KCNK3: variants seen among roughly 807,000 people sequenced by gnomAD.
KCNK3 encodes potassium channel subfamily K member 3.
A neutral mutation model predicts 27.3 loss-of-function variants in KCNK3; 9 were observed. The ratio of observed to expected loss-of-function variants is 0.33; its 90% CI spans 0.20 to 0.57. The LOEUF (loss-of-function observed/expected upper bound fraction) is 0.57. Ranked by LOEUF, KCNK3 falls within the 20% of genes least tolerant of loss-of-function variation. The pLI, the probability that KCNK3 is intolerant of heterozygous loss-of-function variation, is 0.87. For missense variants in KCNK3, 391 were observed against 577.7 expected (o/e 0.68, Z 3.31); for synonymous variants, 278 against 273.8 (o/e 1.02, Z -0.15).
chr2:26,706,439 C>T (rs1670374374), intron 1 of KCNK3, among the ~76,000 whole-genome samples: 1 of 152,158 alleles, frequency 6.6e-6, no homozygotes, highest in Non-Finnish European at 1.5e-5. Context: ...AGGCCCCCTC[C>T]ACTGGGAACA....
intron 1 of KCNK3, among the ~76,000 whole-genome samples, chr2:26,704,826 G>T (rs1393704689): frequency 6.6e-6 from 1 of 152,228 alleles, no homozygotes; most frequent in African/African-American, 2.4e-5. Flanking sequence ...TGGAGCAGCC[G>T]CTCCTCAGGG....
chr2:26,722,045 A>G (rs1326319463), intron 1 of KCNK3, among the ~76,000 whole-genome samples: 1 of 152,176 alleles, frequency 6.6e-6, no homozygotes, highest in African/African-American at 2.4e-5. Context: ...GCTCCCAGAA[A>G]CACTTGCTCG....
In KCNK3 at chr2:26,728,598, G is replaced by C. The variant is rs571255777; in HGVS notation, c.*30G>C. ...CCCGAGGGGCCTGGAGCACCTGGGG[G>C]CGCGGGCGGGGGACCCCTGCTGGGA... On this transcript the variant is annotated 3_prime_UTR_variant, in exon 2 of 2. Coordinates refer to ENST00000302909, the MANE Select transcript of KCNK3 (RefSeq NM_002246.3). The C allele has an allele frequency of 2.8e-6, 4 of 1,408,746 alleles. No individual in the cohort carries two copies. The highest frequency in any genetic ancestry group is 6.3e-5 in the Admixed American group (2 of 31,932). The allele number at this position is 1,408,746 out of a possible 1,614,324, so 87.3% of individuals were successfully genotyped here.
chr2:26,720,970 C>T (rs34391923), intron 1 of KCNK3, among the ~76,000 whole-genome samples: 60,801 of 152,014 alleles, frequency 0.4, 14,577 homozygotes, highest in Non-Finnish European at 0.53. Context: ...TCCTTCTGAA[C>T]CTTGAAGCTG....
At chr2:26,700,730 CCAT>C (rs71401503) in intron 1 of KCNK3, among the ~76,000 whole-genome samples, 7 of 150,562 alleles carry the variant, frequency 4.6e-5, no homozygotes, top group Non-Finnish European at 1.0e-4. Flanking sequence ...ATCATCATCA[CCAT>C]CATCATCATC....
rs1055732306 is a variant in KCNK3 at position 26,693,833 on chromosome 2, T to G, written c.283+675T>G. 2.6e-5 allele frequency among the ~76,000 whole-genome samples: 4 copies of G among 152,094 alleles called. No individual in the cohort carries two copies. The highest frequency in any genetic ancestry group is 9.7e-5 in the African/African-American group (4 of 41,402). ...GTCACCTCACAGGAATAACCCCAGTTCTTTCCAAGCCAGGGCAGATCACCA... is the reference window on the plus strand; with the variant it reads ...GTCACCTCACAGGAATAACCCCAGTGCTTTCCAAGCCAGGGCAGATCACCA... On this transcript the variant is annotated intron_variant, in intron 1 of 1. Transcript: ENST00000302909. This position sits in a 1 kb window ranked among gnomAD's most constrained non-coding sequence, Gnocchi z 5.5.
intron 1 of KCNK3, among the ~76,000 whole-genome samples, chr2:26,701,792 T>C (rs1340636211): frequency 6.6e-6 from 1 of 151,956 alleles, no homozygotes; most frequent in Non-Finnish European, 1.5e-5. Flanking sequence ...ATACAAAAAT[T>C]AGTGAGGCGT....
chr2:26,697,355 A>G (rs529163225), intron 1 of KCNK3, among the ~76,000 whole-genome samples: 2 of 152,114 alleles, frequency 1.3e-5, no homozygotes, highest in Non-Finnish European at 2.9e-5. Flanking sequence ...AAATACAAAA[A>G]TTAGCCAGGC....
chr2:26,705,140 T>C (rs534616459), intron 1 of KCNK3, among the ~76,000 whole-genome samples: 2 of 152,124 alleles, frequency 1.3e-5, no homozygotes, highest in African/African-American at 4.8e-5. Flanking sequence ...AATTTTTAAA[T>C]TTTAAGTAGA....
At chr2:26,714,313 C>G (rs983256424) in intron 1 of KCNK3, among the ~76,000 whole-genome samples, 1 of 151,050 alleles carries the variant, frequency 6.6e-6, no homozygotes, top group Non-Finnish European at 1.5e-5. Flanking sequence ...AACTCAGGAG[C>G]TGCAACTGCA....
At chr2:26,702,762 G>C (rs1383254439) in intron 1 of KCNK3, among the ~76,000 whole-genome samples, 1 of 152,148 alleles carries the variant, frequency 6.6e-6, no homozygotes, top group Non-Finnish European at 1.5e-5. Context: ...CAAGGAATTG[G>C]TGTATAGGCT....
chr2:26,699,737 C>T (rs764795093), intron 1 of KCNK3, among the ~76,000 whole-genome samples: 16 of 152,198 alleles, frequency 1.1e-4, no homozygotes, highest in Non-Finnish European at 1.6e-4. Flanking sequence ...GGACAAGTGT[C>T]TGTAACAGGT....
chr2:26,711,282 C>T (rs916538603), intron 1 of KCNK3, among the ~76,000 whole-genome samples: 3 of 152,234 alleles, frequency 2.0e-5, no homozygotes, highest in Admixed American at 6.5e-5. Flanking sequence ...GCCTTACTCA[C>T]CGTGAAAACG....
At chr2:26,716,832 G>T (rs911851743) in intron 1 of KCNK3, among the ~76,000 whole-genome samples, 6 of 152,220 alleles carry the variant, frequency 3.9e-5, no homozygotes, top group Admixed American at 6.5e-5. Flanking sequence ...ATTGAGATAA[G>T]AAAACTGACT....
chr2:26,724,788 G>T (rs1375367079), intron 1 of KCNK3, among the ~76,000 whole-genome samples: 1 of 152,186 alleles, frequency 6.6e-6, no homozygotes, highest in African/African-American at 2.4e-5. Flanking sequence ...CAGAGGAAGG[G>T]GTTGTCACTT....
rs184646375 is a variant in KCNK3 at position 26,718,434 on chromosome 2, G to A, written c.284-9233G>A. Among the ~76,000 whole-genome samples the A allele has an allele frequency of 1.7e-4, 26 of 152,110 alleles. No homozygotes were observed. In the East Asian group the frequency reaches 4.8e-3, roughly 28 times the overall value. ...CCAGAAGAACTTGTGCTGTTTTTAG[G>A]TTTATAATATTCATCGTTTTCTACT... On this transcript the variant is annotated intron_variant, in intron 1 of 1. Coordinates refer to ENST00000302909, the MANE Select transcript of KCNK3 (RefSeq NM_002246.3).
chr2:26,713,643 G>A (rs1448805531), intron 1 of KCNK3, among the ~76,000 whole-genome samples: 2 of 151,938 alleles, frequency 1.3e-5, no homozygotes, highest in Non-Finnish European at 2.9e-5. Flanking sequence ...TTTGCTGGGT[G>A]TGTAATCCCA....
At chr2:26,694,372 AG>A (rs1263749611) in intron 1 of KCNK3, among the ~76,000 whole-genome samples, 1 of 152,058 alleles carries the variant, frequency 6.6e-6, no homozygotes, top group Non-Finnish European at 1.5e-5. Context: ...TCAGACTCCC[AG>A]GGGTTCGTTG....
At chr2:26,703,392 A>T (rs1218581945) in intron 1 of KCNK3, among the ~76,000 whole-genome samples, 1 of 152,220 alleles carries the variant, frequency 6.6e-6, no homozygotes, top group African/African-American at 2.4e-5. Flanking sequence ...CACATCAAAA[A>T]GGCCATCACA....
Sources: gnomAD v4.1 joint callset for allele counts (sites outside exome capture counted in the v4.1 genomes callset) on GRCh38, gnomAD v4.1.1 for gene constraint, Gnocchi (gnomAD v3.1) non-coding constraint, MANE v1.5 for transcripts, NCBI Gene and HGNC (gene_info 2026-07-23, HGNC 2026-07-21) for gene names.